The following WDR70 variants were observed in gnomAD, a reference collection of about 807,000 sequenced individuals.
The protein encoded by WDR70 is WD repeat-containing protein 70.
A neutral mutation model predicts 88.6 loss-of-function variants in WDR70; 53 were observed. The ratio of observed to expected loss-of-function variants is 0.60; its 90% CI spans 0.48 to 0.75. WDR70 has a LOEUF of 0.75. Among genes scored for constraint, WDR70 ranks in the 30% least tolerant of loss-of-function variants. WDR70 has a pLI of 0.00. For synonymous variants in WDR70, 280 were observed against 270.0 expected (o/e 1.04, Z -0.36); for missense variants, 610 against 823.2 (o/e 0.74, Z 3.17).
chr5:37,740,109 A>G (rs547888696), intron 17 of WDR70, among the ~76,000 whole-genome samples: 3 of 152,158 alleles, frequency 2.0e-5, no homozygotes, highest in Admixed American at 6.5e-5. Flanking sequence ...ATTTATTTTT[A>G]TAGTAGTTTT....
At chr5:37,425,491 G>C (rs1006962828) in intron 5 of WDR70, among the ~76,000 whole-genome samples, 3 of 152,178 alleles carry the variant, frequency 2.0e-5, no homozygotes, top group African/African-American at 7.2e-5. Flanking sequence ...GGAACAGCTA[G>C]TGTAAAGGCC....
chr5:37,484,373 C>A (rs543253623), intron 8 of WDR70, among the ~76,000 whole-genome samples: 12 of 152,180 alleles, frequency 7.9e-5, no homozygotes, highest in African/African-American at 2.7e-4. Flanking sequence ...GCCAACACAG[C>A]GAAACCCTGT....
chr5:37,560,365 C>T (rs992612346), intron 9 of WDR70, among the ~76,000 whole-genome samples: 4 of 152,068 alleles, frequency 2.6e-5, no homozygotes, highest in African/African-American at 9.7e-5. Context: ...TATGTTTTCT[C>T]TTCATCTAGT....
intron 5 of WDR70, among the ~76,000 whole-genome samples, chr5:37,420,869 A>G (rs770400511): frequency 1.3e-5 from 2 of 152,060 alleles, no homozygotes; most frequent in Non-Finnish European, 2.9e-5. Flanking sequence ...AGCCGAGATC[A>G]CGCCACCACT....
chr5:37,427,113 G>C (rs545163502), intron 5 of WDR70, among the ~76,000 whole-genome samples: 1 of 152,288 alleles, frequency 6.6e-6, no homozygotes, highest in South Asian at 2.1e-4. Context: ...ACGTTGGCTG[G>C]GCGCGGTGGC....
At position 37,396,388 on chromosome 5, in the gene WDR70, A is replaced by C; in HGVS notation, c.310A>C (p.Ser104Arg). 1 of 1,610,910 alleles carries C rather than the reference A, an allele frequency of 6.2e-7. No individual in the cohort carries two copies. Among genetic ancestry groups the C allele is most frequent in the South Asian group, 1.1e-5 (1 of 90,492 alleles). Residue 104 changes from serine to arginine, a missense_variant, in exon 5 of 18, where the codon AGT becomes CGT. Ser to Arg is a moderately radical substitution (Grantham distance 110). This residue lies in a region of WDR70 where 203 missense variants were observed against 228.1 expected (regional missense o/e 0.89). Transcript: ENST00000265107. ...SKSSSRDTSS[S>R]ESEQSSDSSD... ...CTGTATTTTCAGGGATACGAGCAGC[A>C]GTGAAAGTGAACAGAGTTCTGACTC...
intron 9 of WDR70, among the ~76,000 whole-genome samples, chr5:37,545,021 A>G (rs959970656): frequency 3.9e-5 from 6 of 152,188 alleles, no homozygotes; most frequent in African/African-American, 1.4e-4. Flanking sequence ...CAAAGTATAC[A>G]GTTTCCTACA....
intron 5 of WDR70, among the ~76,000 whole-genome samples, chr5:37,430,253 G>A (rs1750260829): frequency 6.6e-6 from 1 of 152,170 alleles, no homozygotes; most frequent in African/African-American, 2.4e-5. Context: ...GTCAGAGAAA[G>A]GGAGTGATAA....
At chr5:37,632,393 A>G (rs1744842031) in intron 10 of WDR70, among the ~76,000 whole-genome samples, 2 of 152,214 alleles carry the variant, frequency 1.3e-5, no homozygotes, top group Admixed American at 1.3e-4. Context: ...TTCAGGAAAT[A>G]TTCCAGAAGA....
intron 5 of WDR70, among the ~76,000 whole-genome samples, chr5:37,397,279 A>G (rs1009968293): frequency 1.3e-5 from 2 of 152,178 alleles, no homozygotes; most frequent in African/African-American, 4.8e-5. Context: ...AATGTGTTAA[A>G]AAGAAATCAA....
chr5:37,500,426 T>C (rs560426800), intron 8 of WDR70, among the ~76,000 whole-genome samples: 3 of 152,220 alleles, frequency 2.0e-5, no homozygotes, highest in Non-Finnish European at 4.4e-5. Flanking sequence ...TTTGATATAA[T>C]GACTTCTTTT....
intron 10 of WDR70, among the ~76,000 whole-genome samples, chr5:37,625,188 A>C (rs1260455898): frequency 6.6e-6 from 1 of 152,160 alleles, no homozygotes; most frequent in Non-Finnish European, 1.5e-5. Flanking sequence ...CTGAGCCCTA[A>C]AAAATGTATA....
intron 8 of WDR70, among the ~76,000 whole-genome samples, chr5:37,487,113 CA>C (rs1739897568): frequency 6.6e-6 from 1 of 152,174 alleles, no homozygotes; most frequent in African/African-American, 2.4e-5. Context: ...TACCAGCATA[CA>C]AAAAACTACT....
chr5:37,622,934 C>A (rs1179830259), intron 10 of WDR70, among the ~76,000 whole-genome samples: 1 of 151,886 alleles, frequency 6.6e-6, no homozygotes, highest in Non-Finnish European at 1.5e-5. Context: ...ATGTAAAAAA[C>A]CAATGTGATT....
chr5:37,728,466 C>G (rs1006072893), intron 17 of WDR70, among the ~76,000 whole-genome samples: 1 of 151,918 alleles, frequency 6.6e-6, no homozygotes, highest in African/African-American at 2.4e-5. Flanking sequence ...TACTTAGTCT[C>G]CTCCCATCAT....
At chr5:37,385,660 G>T (rs1748587970) in intron 3 of WDR70, among the ~76,000 whole-genome samples, 4 of 151,854 alleles carry the variant, frequency 2.6e-5, no homozygotes, top group Admixed American at 2.0e-4. Flanking sequence ...AGGCCTAGGG[G>T]TCCAGCACTA....
At chr5:37,410,143 G>A (rs1009308446) in intron 5 of WDR70, among the ~76,000 whole-genome samples, 1 of 149,798 alleles carries the variant, frequency 6.7e-6, no homozygotes, top group African/African-American at 2.5e-5. Flanking sequence ...AGCCTCCTAA[G>A]TAGCTAGGAC....
At chr5:37,463,474 C>G (rs1739071651) in intron 7 of WDR70, among the ~76,000 whole-genome samples, 2 of 152,154 alleles carry the variant, frequency 1.3e-5, no homozygotes, top group Admixed American at 1.3e-4. Flanking sequence ...CATGTCCCAG[C>G]TTGTTTTGCT....
At chr5:37,486,534 G>A (rs1449910120) in intron 8 of WDR70, among the ~76,000 whole-genome samples, 1 of 151,934 alleles carries the variant, frequency 6.6e-6, no homozygotes, top group African/African-American at 2.4e-5. Context: ...TAGTAGACAC[G>A]GGGTTTCGCC....
Sources: gnomAD v4.1 joint callset for allele counts (sites outside exome capture counted in the v4.1 genomes callset) on GRCh38, gnomAD v4.1.1 for gene constraint, gnomAD v4.1.1 regional missense constraint, MANE v1.5 for transcripts, NCBI Gene and HGNC (gene_info 2026-07-23, HGNC 2026-07-21) for gene names.